The following CORO2B variants were observed in gnomAD, a reference collection of about 807,000 sequenced individuals.
The protein encoded by CORO2B is coronin-2B.
CORO2B carries 26 observed loss-of-function variants against 58.8 expected under a neutral mutation model. That is an observed-to-expected ratio of 0.44 (90% CI 0.32 to 0.61). The LOEUF (loss-of-function observed/expected upper bound fraction) is 0.61, where lower values mean the gene tolerates loss of function less well. Among genes scored for constraint, CORO2B ranks in the 20% least tolerant of loss-of-function variants. The pLI is 0.04. For synonymous variants in CORO2B, 242 were observed against 253.8 expected (o/e 0.95, Z 0.44); for missense variants, 460 against 645.1 (o/e 0.71, Z 3.11).
In CORO2B at chr15:68,719,426, G is replaced by A. The variant is rs754650422; in HGVS notation, c.1185G>A (p.Met395Ile). ...TGCCTTCTTTAGATCCCGTGCTGATGTCTTTGAAAGAAGGCTATAAGAAGT... is the reference window on the plus strand; with the variant it reads ...TGCCTTCTTTAGATCCCGTGCTGATATCTTTGAAAGAAGGCTATAAGAAGT... ...LGGINRDPVLMSLKEGYKKSS... is the reference protein window; with the variant it reads ...LGGINRDPVLISLKEGYKKSS... Residue 395 changes from methionine (M) to isoleucine (I), a missense_variant, in exon 11 of 12, where the codon ATG becomes ATA. Physicochemically the swap from Met to Ile is conservative, Grantham distance 10. Around this residue, in one of 2 missense-constraint regions of CORO2B, gnomAD observed 352 missense variants for 543.0 expected, o/e 0.65. Coordinates refer to ENST00000261861, the MANE Select transcript of CORO2B (RefSeq NM_006091.5). 1.4e-5 allele frequency: 23 copies of A among 1,613,864 alleles called. 2 individuals are homozygous for A. In the South Asian group the frequency reaches 2.5e-4, roughly 18 times the overall value.
At chr15:68,615,192 C>G (rs1900324072) in intron 1 of CORO2B, among the ~76,000 whole-genome samples, 1 of 152,222 alleles carries the variant, frequency 6.6e-6, no homozygotes, top group African/African-American at 2.4e-5. Flanking sequence ...TCAGGATGCA[C>G]TGCTTGGTCA....
chr15:68,714,456 T>A, intron 6 of CORO2B, 103 bp from the exon 7 acceptor site: 4 of 839,802 alleles, frequency 4.8e-6, no homozygotes, highest in Non-Finnish European at 8.0e-6. Flanking sequence ...CTAGGGGAGG[T>A]CTTAACATAA....
the CORO2B span, among the ~76,000 whole-genome samples, chr15:68,546,353 G>A: frequency 6.6e-6 from 1 of 152,128 alleles, no homozygotes; most frequent in Non-Finnish European, 1.5e-5. Flanking sequence ...GCATCAATTT[G>A]GGATGTGTGT....
intron 5 of CORO2B, among the ~76,000 whole-genome samples, chr15:68,713,264 G>A (rs1294804348): frequency 2.0e-5 from 3 of 152,158 alleles, no homozygotes; most frequent in Non-Finnish European, 4.4e-5. Flanking sequence ...GATAGATATT[G>A]TTATGGGGAT....
intron 1 of CORO2B, among the ~76,000 whole-genome samples, chr15:68,625,261 C>A (rs1234443605): frequency 6.7e-6 from 1 of 150,030 alleles, no homozygotes; most frequent in East Asian, 1.9e-4. Flanking sequence ...ACAAACGTGT[C>A]TTCAGCTAAT....
chr15:68,588,366 C>A (rs1899619589), intron 1 of CORO2B, among the ~76,000 whole-genome samples: 1 of 152,232 alleles, frequency 6.6e-6, no homozygotes, highest in Non-Finnish European at 1.5e-5. Context: ...CCTGTTCTGT[C>A]TATTTTGGCT....
chr15:68,692,632 C>CTTTT lies in CORO2B; in HGVS notation c.217-2501_217-2498dup, dbSNP rs139335081. On this transcript the variant is annotated intron_variant, in intron 2 of 11. Coordinates refer to ENST00000261861, the MANE Select transcript of CORO2B (RefSeq NM_006091.5). ...TTAACATTAAAATTTAAAAACTTTC[C>CTTTT]TTTTTTTTTTGTTTTTTTGAAGACA... 3.8e-3 allele frequency among the ~76,000 whole-genome samples: 535 copies of CTTTT among 139,126 alleles called. 5 individuals are homozygous for CTTTT. The highest frequency in any genetic ancestry group is 9.0e-3 in the African/African-American group (343 of 37,948). 91.3% of individuals were successfully genotyped at this position (139,126 alleles called of 152,430 possible).
In CORO2B at chr15:68,714,702, G is replaced by C. The variant is rs764934933; in HGVS notation, c.870+39G>C. Reference sequence around the variant, plus strand: ...GGGGAGGGCCCGGGGCAGCCTGTGGGAGAGCCCTACCCTCAATGCACCCCT... The same window carrying C: ...GGGGAGGGCCCGGGGCAGCCTGTGGCAGAGCCCTACCCTCAATGCACCCCT... On this transcript the variant is annotated intron_variant, in intron 7 of 11. Transcript: ENST00000261861. 4 of 1,506,582 alleles carry C rather than the reference G, an allele frequency of 2.7e-6. No individual in the cohort carries two copies. In the East Asian group the frequency reaches 9.0e-5, roughly 34 times the overall value. The allele number at this position is 1,506,582 out of a possible 1,614,324, so 93.3% of individuals were successfully genotyped here.
chr15:68,718,464 T>G lies in CORO2B; in HGVS notation c.968-234T>G, dbSNP rs75547593. Among the ~76,000 whole-genome samples the G allele has an allele frequency of 3.3e-4, 51 of 152,260 alleles. 2 individuals are homozygous for G. In the East Asian group the frequency reaches 9.9e-3, roughly 29 times the overall value. ...TTCTTCCAATTCTAAAGGGTCCAAT[T>G]CTAAAGCACGCACTGTGGTGAGGCA... On this transcript the variant is annotated intron_variant, in intron 8 of 11. Coordinates refer to ENST00000261861, the MANE Select transcript of CORO2B (RefSeq NM_006091.5).
chr15:68,711,774 C>A, intron 5 of CORO2B, 68 bp downstream of exon 5: 1 of 1,579,804 alleles, frequency 6.3e-7, no homozygotes, highest in Non-Finnish European at 8.6e-7. Flanking sequence ...TTTCAGCAGG[C>A]CTGGAAGAAA....
At chr15:68,714,162 G>A in intron 6 of CORO2B, 121 bp downstream of exon 6, 1 of 671,450 alleles carries the variant, frequency 1.5e-6, no homozygotes, top group South Asian at 1.9e-5. Flanking sequence ...ATTCCCAGTG[G>A]AGAAATCAGA....
At chr15:68,524,231 A>G in the CORO2B span, among the ~76,000 whole-genome samples, 1 of 152,194 alleles carries the variant, frequency 6.6e-6, no homozygotes, top group Non-Finnish European at 1.5e-5. Flanking sequence ...AAAAAAAAGA[A>G]AAGAAAAAAT....
At chr15:68,725,734 G>A (rs780485321) in intron 11 of CORO2B, 109 bp from the exon 12 acceptor site, 27 of 1,409,570 alleles carry the variant, frequency 1.9e-5, no homozygotes, top group Non-Finnish European at 2.4e-5. Context: ...GGAGGCCTGG[G>A]GGAATGTGAG....
At chr15:68,689,519 A>G (rs11857243) in intron 2 of CORO2B, among the ~76,000 whole-genome samples, 39,941 of 152,154 alleles carry the variant, frequency 0.26, 5,587 homozygotes, top group African/African-American at 0.34. Context: ...TTATATTAAT[A>G]TGCTATTATA....
At chr15:68,629,758 C>A (rs147836662) in intron 1 of CORO2B, among the ~76,000 whole-genome samples, 8 of 151,890 alleles carry the variant, frequency 5.3e-5, no homozygotes, top group African/African-American at 7.2e-5. Context: ...TAATTGAGAA[C>A]CCTGACCTCA....
intron 2 of CORO2B, among the ~76,000 whole-genome samples, chr15:68,685,531 C>A (rs970759116): frequency 6.6e-6 from 1 of 152,090 alleles, no homozygotes; most frequent in Non-Finnish European, 1.5e-5. Flanking sequence ...TTGAATTGCT[C>A]ACCCTCCCCA....
intron 1 of CORO2B, among the ~76,000 whole-genome samples, chr15:68,619,486 G>A (rs1900456079): frequency 6.6e-6 from 1 of 152,152 alleles, no homozygotes; most frequent in Non-Finnish European, 1.5e-5. Flanking sequence ...CGTGGTGCTG[G>A]TGCCAGGTGC....
chr15:68,570,809 T>TTG, the CORO2B span, among the ~76,000 whole-genome samples: 2 of 143,570 alleles, frequency 1.4e-5, no homozygotes, highest in Non-Finnish European at 3.1e-5. Flanking sequence ...GTTTTTTTTT[T>TTG]TTTTTTTTTT....
the CORO2B span, among the ~76,000 whole-genome samples, chr15:68,552,774 C>T: frequency 1.3e-5 from 2 of 152,190 alleles, no homozygotes; most frequent in Admixed American, 1.3e-4. Context: ...ATCTCAACAT[C>T]GTTGATCCTG....
Sources: allele counts gnomAD v4.1 joint callset (sites outside exome capture counted in the v4.1 genomes callset), GRCh38; gene constraint gnomAD v4.1.1; regional missense constraint gnomAD v4.1.1; transcripts MANE v1.5; gene names NCBI Gene and HGNC (gene_info 2026-07-23, HGNC 2026-07-21).